Variants in TPRG1 observed in about 807,000 individuals in gnomAD.
TPRG1 encodes tumor protein p63 regulated 1.
TPRG1 carries 29 observed loss-of-function variants against 29.3 expected under a neutral mutation model. That is an observed-to-expected ratio of 0.99 (90% CI 0.74 to 1.35). The LOEUF is 1.35. TPRG1 is among the 40% of genes most tolerant of loss of function. The pLI is 0.00. For synonymous variants in TPRG1, 130 were observed against 116.8 expected, an observed-to-expected ratio of 1.11 and a Z score of -0.73; for missense variants, 327 against 335.0, an observed-to-expected ratio of 0.98 and a Z score of 0.19.
intron 3 of TPRG1, among the ~76,000 whole-genome samples, chr3:189,016,825 G>GC (rs1046128401): frequency 3.9e-5 from 6 of 151,962 alleles, no homozygotes; most frequent in African/African-American, 1.5e-4. Flanking sequence ...GTTTCCTGAG[G>GC]CCCCCCAGTC....
chr3:189,272,804 T>C (rs1226024045), intron 4 of TPRG1, among the ~76,000 whole-genome samples: 5 of 151,430 alleles, frequency 3.3e-5, no homozygotes, highest in African/African-American at 1.2e-4. Context: ...AAAGGCTCAA[T>C]ACTAAATAGG....
chr3:189,236,402 G>A (rs1371228271), intron 3 of TPRG1, among the ~76,000 whole-genome samples: 1 of 152,042 alleles, frequency 6.6e-6, no homozygotes, highest in Non-Finnish European at 1.5e-5. Context: ...ATCTATTTAG[G>A]GAAGTTTATG....
chr3:189,139,497 C>T (rs778701753), intron 3 of TPRG1, among the ~76,000 whole-genome samples: 1 of 152,182 alleles, frequency 6.6e-6, no homozygotes, highest in Non-Finnish European at 1.5e-5. Flanking sequence ...CATCTGACAA[C>T]CCTAATATCA....
intron 4 of TPRG1, among the ~76,000 whole-genome samples, chr3:189,301,703 G>A (rs1020236056): frequency 6.6e-6 from 1 of 152,092 alleles, no homozygotes; most frequent in South Asian, 2.1e-4. Flanking sequence ...CCCCACTCTT[G>A]GCCTGGAGAC....
At position 189,058,634 on chromosome 3, in the gene TPRG1, G is replaced by A. The variant is rs561619106; in HGVS notation, c.-463+34688G>A. ...GTGCTAACAAAGAGGTATGCATCATGAAATTGTTTTAAGAAAAATAATTGT... is the reference window on the plus strand; with the variant it reads ...GTGCTAACAAAGAGGTATGCATCATAAAATTGTTTTAAGAAAAATAATTGT... On this transcript the variant is annotated intron_variant, in intron 4 of 10. Transcript: ENST00000433971. Among the ~76,000 whole-genome samples the A allele has an allele frequency of 6.6e-5, 10 of 152,332 alleles. No individual in the cohort carries two copies. In the South Asian group the frequency reaches 1.7e-3, roughly 25 times the overall value.
intron 4 of TPRG1, among the ~76,000 whole-genome samples, chr3:189,274,122 T>C (rs546341429): frequency 8.5e-5 from 13 of 152,060 alleles, no homozygotes; most frequent in Middle Eastern, 3.4e-3. Flanking sequence ...TTTTTTTTTT[T>C]CACTGATCCA....
At chr3:189,305,328 A>G (rs9839864) in intron 4 of TPRG1, among the ~76,000 whole-genome samples, 35,993 of 152,218 alleles carry the variant, frequency 0.24, 5,204 homozygotes, top group Non-Finnish European at 0.32. Context: ...GCTCAGCTAA[A>G]AACAACTTGG....
intron 4 of TPRG1, among the ~76,000 whole-genome samples, chr3:189,308,628 T>C (rs1175025947): frequency 3.9e-5 from 6 of 152,212 alleles, no homozygotes; most frequent in African/African-American, 1.4e-4. Flanking sequence ...CATTGACTGG[T>C]TATTTAGAAA....
At chr3:189,318,093 A>C (rs1723838719) in intron 5 of TPRG1, among the ~76,000 whole-genome samples, 1 of 152,164 alleles carries the variant, frequency 6.6e-6, no homozygotes, top group Non-Finnish European at 1.5e-5. Flanking sequence ...AGTACTGGGT[A>C]TTGGACGGGC....
At chr3:189,148,934 A>T (rs536777060) in intron 4 of TPRG1, among the ~76,000 whole-genome samples, 1 of 152,178 alleles carries the variant, frequency 6.6e-6, no homozygotes, top group African/African-American at 2.4e-5. Context: ...CCTTTGGGTA[A>T]TGCCTAAGGC....
intron 4 of TPRG1, among the ~76,000 whole-genome samples, chr3:189,039,620 A>G (rs113782840): frequency 7.4e-4 from 113 of 152,330 alleles, no homozygotes; most frequent in African/African-American, 2.3e-3. Context: ...TAGTGAAAAG[A>G]AAGCAATTTC....
intron 4 of TPRG1, among the ~76,000 whole-genome samples, chr3:189,267,344 A>C (rs1251171220): frequency 6.6e-6 from 1 of 152,316 alleles, no homozygotes; most frequent in East Asian, 1.9e-4. Context: ...TTGTTAAGTG[A>C]TGCATGACTT....
chr3:189,079,462 A>G (rs960995163), intron 4 of TPRG1, among the ~76,000 whole-genome samples: 2 of 152,220 alleles, frequency 1.3e-5, no homozygotes, highest in African/African-American at 4.8e-5. Flanking sequence ...TCCATATTTT[A>G]ACCTGCACCC....
intron 1 of TPRG1, among the ~76,000 whole-genome samples, chr3:189,106,368 G>GAA (rs1719825919): frequency 6.6e-6 from 1 of 151,928 alleles, no homozygotes; most frequent in Admixed American, 6.6e-5. Flanking sequence ...TCAAATCTCT[G>GAA]AAAAGCTTTT....
intron 4 of TPRG1, among the ~76,000 whole-genome samples, chr3:189,257,458 T>C (rs1421621099): frequency 6.6e-6 from 1 of 152,164 alleles, no homozygotes; most frequent in Non-Finnish European, 1.5e-5. Flanking sequence ...CATTTCAACC[T>C]TGGTGAATCT....
chr3:189,188,730 A>C (rs187053736), intron 1 of TPRG1, among the ~76,000 whole-genome samples: 1 of 152,174 alleles, frequency 6.6e-6, no homozygotes, highest in African/African-American at 2.4e-5. Context: ...CTTGGCCTGC[A>C]TAGCACTTTC....
In TPRG1 at chr3:189,324,906, G is replaced by C. The variant is rs1724598485; in HGVS notation, c.*4086G>C. ...CCCACATCCTGTAGCTGTGGTTTAG[G>C]GACGCTGCTCATGAGTGACTTCTTA... On this transcript the variant is annotated 3_prime_UTR_variant, in exon 6 of 6. Transcript: ENST00000345063. 1 of 152,122 alleles carries C rather than the reference G, an allele frequency of 6.6e-6. No individual in the cohort carries two copies. Among genetic ancestry groups the C allele is most frequent in the South Asian group, 2.1e-4 (1 of 4,828 alleles). 9.4% of individuals were successfully genotyped at this position (152,122 alleles called of 1,614,324 possible). A position where few individuals can be genotyped will look rare whatever the true frequency, so the allele number is the denominator to read the frequency against.
chr3:189,226,517 A>T (rs1225300765), intron 3 of TPRG1, among the ~76,000 whole-genome samples: 1 of 152,138 alleles, frequency 6.6e-6, no homozygotes, highest in Non-Finnish European at 1.5e-5. Context: ...ACGCAGCGAA[A>T]ACAGTGCTGA....
chr3:189,322,576 A>T lies in TPRG1; in HGVS notation c.*1756A>T, dbSNP rs1724412873. The T allele has an allele frequency of 6.6e-6, 1 of 152,566 alleles. No individual in the cohort carries two copies. The highest frequency in any genetic ancestry group is 2.1e-4 in the South Asian group (1 of 4,832). 9.5% of individuals were successfully genotyped at this position (152,566 alleles called of 1,614,324 possible). A position where few individuals can be genotyped will look rare whatever the true frequency, so the allele number is the denominator to read the frequency against. ...TTGGCACTGGTTCTGAAGCAGGCAT[A>T]ATTGGCAAATTATTATAATACTGCT... On this transcript the variant is annotated 3_prime_UTR_variant, in exon 6 of 6. Coordinates refer to ENST00000345063, the MANE Select transcript of TPRG1 (RefSeq NM_198485.4).
Sources: gnomAD v4.1 joint callset for allele counts (sites outside exome capture counted in the v4.1 genomes callset) on GRCh38, gnomAD v4.1.1 for gene constraint, MANE v1.5 for transcripts, NCBI Gene and HGNC (gene_info 2026-07-23, HGNC 2026-07-21) for gene names.